GPC5: variants seen among roughly 807,000 people sequenced by gnomAD.
The protein encoded by GPC5 is glypican-5.
In GPC5, 47 loss-of-function variants were observed where a neutral mutation model predicts 53.9. The observed-to-expected ratio is 0.87, with a 90% CI of 0.69 to 1.11. GPC5 has a LOEUF of 1.11. Among genes scored for constraint, GPC5 ranks in the 50% most tolerant of loss-of-function variants. The pLI, the probability that GPC5 is intolerant of heterozygous loss-of-function variation, is 0.00. For missense variants in GPC5, 748 were observed against 713.1 expected, an observed-to-expected ratio of 1.05 and a Z score of -0.56; for synonymous variants, 286 against 263.3, an observed-to-expected ratio of 1.09 and a Z score of -0.84.
intron 2 of GPC5, among the ~76,000 whole-genome samples, chr13:91,616,952 T>C (rs1296984815): frequency 6.6e-6 from 1 of 152,206 alleles, no homozygotes; most frequent in Middle Eastern, 3.4e-3. Flanking sequence ...AAACATCTTT[T>C]GGGGGGTGTT....
chr13:92,816,613 G>A (rs1019403636), intron 7 of GPC5, among the ~76,000 whole-genome samples: 1 of 151,940 alleles, frequency 6.6e-6, no homozygotes, highest in African/African-American at 2.4e-5. Flanking sequence ...TGTTCTATAC[G>A]TTAGTCAGTG....
intron 7 of GPC5, among the ~76,000 whole-genome samples, chr13:92,421,040 A>G (rs1156421703): frequency 2.0e-5 from 3 of 152,238 alleles, no homozygotes; most frequent in Admixed American, 2.0e-4. Flanking sequence ...ACTAAGGTAT[A>G]AACGAGACAT....
At chr13:92,114,483 G>A (rs907365236) in intron 6 of GPC5, among the ~76,000 whole-genome samples, 56 of 152,134 alleles carry the variant, frequency 3.7e-4, no homozygotes, top group African/African-American at 1.4e-3. Context: ...GGGAAGCCAC[G>A]ACTGGAATTT....
chr13:91,614,150 C>G (rs550348905), intron 2 of GPC5, among the ~76,000 whole-genome samples: 1 of 152,112 alleles, frequency 6.6e-6, no homozygotes, highest in African/African-American at 2.4e-5. Flanking sequence ...GTTTGAGAGT[C>G]GAGTGGGAGA....
chr13:92,669,147 T>C (rs1390088783), intron 7 of GPC5, among the ~76,000 whole-genome samples: 1 of 152,170 alleles, frequency 6.6e-6, no homozygotes, highest in Non-Finnish European at 1.5e-5. Context: ...CTTCTTATAT[T>C]AATATAATTT....
chr13:92,071,375 A>T (rs2041209793), intron 6 of GPC5, among the ~76,000 whole-genome samples: 1 of 152,184 alleles, frequency 6.6e-6, no homozygotes, highest in Non-Finnish European at 1.5e-5. Flanking sequence ...TACATTCTTC[A>T]AGTTCAGATA....
intron 2 of GPC5, among the ~76,000 whole-genome samples, chr13:91,467,349 C>T (rs1000550729): frequency 1.3e-5 from 2 of 152,174 alleles, no homozygotes; most frequent in African/African-American, 2.4e-5. Flanking sequence ...ACGATTCCTC[C>T]ACCAAGGCCA....
chr13:92,603,959 A>C (rs556602755), intron 7 of GPC5, among the ~76,000 whole-genome samples: 11 of 152,304 alleles, frequency 7.2e-5, no homozygotes, highest in African/African-American at 2.2e-4. Flanking sequence ...GAGGAAACAT[A>C]ATCGCATGAA....
At chr13:92,383,363 C>A (rs1448106352) in intron 7 of GPC5, among the ~76,000 whole-genome samples, 1 of 152,092 alleles carries the variant, frequency 6.6e-6, no homozygotes, top group Non-Finnish European at 1.5e-5. Flanking sequence ...TATAGCCTTT[C>A]AAAATTAACA....
At chr13:91,809,994 T>C (rs971597928) in intron 5 of GPC5, among the ~76,000 whole-genome samples, 1 of 152,002 alleles carries the variant, frequency 6.6e-6, no homozygotes, top group African/African-American at 2.4e-5. Context: ...TTATGTGCAA[T>C]TAAAAAACAA....
rs534990841 is a variant in GPC5 at position 92,228,246 on chromosome 13, C to G, written c.1561+83257C>G. On this transcript the variant is annotated intron_variant, in intron 7 of 7. Coordinates refer to ENST00000377067, the MANE Select transcript of GPC5 (RefSeq NM_004466.6). ...TCAATGAACCCGTGTTGTTCACGAGCCAGCTATACAGTTGATTTCTCCAAA... is the reference window on the plus strand; with the variant it reads ...TCAATGAACCCGTGTTGTTCACGAGGCAGCTATACAGTTGATTTCTCCAAA... Among the ~76,000 whole-genome samples, 4 of 151,380 alleles carry G rather than the reference C, an allele frequency of 2.6e-5. No homozygotes were observed. In the East Asian group the frequency reaches 7.7e-4, roughly 29 times the overall value.
At chr13:92,363,593 G>A (rs1204573850) in intron 7 of GPC5, among the ~76,000 whole-genome samples, 2 of 151,776 alleles carry the variant, frequency 1.3e-5, no homozygotes, top group East Asian at 3.9e-4. Flanking sequence ...TTGCTTGTCT[G>A]CTGCTCACCT....
At chr13:92,463,353 C>G (rs1416454731) in intron 7 of GPC5, among the ~76,000 whole-genome samples, 2 of 152,220 alleles carry the variant, frequency 1.3e-5, no homozygotes, top group South Asian at 4.1e-4. Flanking sequence ...ACTGCCTGAT[C>G]TGTCACCGTC....
chr13:92,400,549 C>G (rs935566678), intron 7 of GPC5, among the ~76,000 whole-genome samples: 1 of 152,172 alleles, frequency 6.6e-6, no homozygotes, highest in Admixed American at 6.5e-5. Flanking sequence ...CTTACCCTTT[C>G]CATATATCCA....
intron 7 of GPC5, among the ~76,000 whole-genome samples, chr13:92,861,247 T>A (rs1228164598): frequency 6.6e-6 from 1 of 152,136 alleles, no homozygotes; most frequent in Non-Finnish European, 1.5e-5. Context: ...GATTAACATT[T>A]TTGAATAAAT....
intron 7 of GPC5, among the ~76,000 whole-genome samples, chr13:92,158,701 G>GTCTTATAATA (rs200074139): frequency 0.055 from 8,388 of 151,952 alleles, 480 homozygotes; most frequent in African/African-American, 0.14. Context: ...TGCCCAATTG[G>GTCTTATAATA]TCACATTGGT....
chr13:92,765,250 G>A (rs1408755251), intron 7 of GPC5, among the ~76,000 whole-genome samples: 2 of 152,108 alleles, frequency 1.3e-5, no homozygotes, highest in Non-Finnish European at 2.9e-5. Context: ...GTTGCATACA[G>A]CCTGATGAAT....
chr13:92,245,179 G>C (rs1331818198), intron 7 of GPC5, among the ~76,000 whole-genome samples: 1 of 152,084 alleles, frequency 6.6e-6, no homozygotes, highest in Admixed American at 6.6e-5. Flanking sequence ...AGGTCTTTGA[G>C]CTTACTGTCC....
intron 6 of GPC5, among the ~76,000 whole-genome samples, chr13:92,101,903 C>A (rs185992881): frequency 9.1e-4 from 138 of 152,238 alleles, no homozygotes; most frequent in African/African-American, 3.2e-3. Context: ...ATATTCAAGG[C>A]AAAATTCCAG....
Sources: gnomAD v4.1 joint callset for allele counts (sites outside exome capture counted in the v4.1 genomes callset) on GRCh38, gnomAD v4.1.1 for gene constraint, MANE v1.5 for transcripts, NCBI Gene and HGNC (gene_info 2026-07-23, HGNC 2026-07-21) for gene names.